PLXDC2: variants seen among roughly 807,000 people sequenced by gnomAD.
The protein encoded by PLXDC2 is plexin domain-containing protein 2.
Under a neutral mutation model 68.9 loss-of-function variants are expected in PLXDC2, and 40 were observed. That is an observed-to-expected ratio of 0.58 (90% CI 0.45 to 0.76). The LOEUF (loss-of-function observed/expected upper bound fraction) is 0.76. Ranked by LOEUF, PLXDC2 falls within the 30% of genes least tolerant of loss-of-function variation. PLXDC2 has a pLI of 0.00. For missense variants in PLXDC2, 644 were observed against 661.9 expected (o/e 0.97, Z 0.30); for synonymous variants, 243 against 234.2 (o/e 1.04, Z -0.34).
At chr10:20,239,073 G>T (rs117421397) in intron 12 of PLXDC2, among the ~76,000 whole-genome samples, 2,292 of 151,776 alleles carry the variant, frequency 0.015, 51 homozygotes, top group African/African-American at 0.051. Context: ...GCTTCTTGTT[G>T]CCCTTTATTA....
At chr10:19,874,828 G>T (rs10827892) in intron 1 of PLXDC2, among the ~76,000 whole-genome samples, 45,966 of 151,948 alleles carry the variant, frequency 0.3, 7,098 homozygotes, top group East Asian at 0.39. Context: ...AGGGGACCCG[G>T]GGGATATCTG....
chr10:20,265,433 A>C (rs774770698), intron 13 of PLXDC2, among the ~76,000 whole-genome samples: 5 of 152,192 alleles, frequency 3.3e-5, no homozygotes, highest in Non-Finnish European at 7.3e-5. Flanking sequence ...TTTGGCAACA[A>C]ACATTTTGGA....
chr10:20,047,424 A>T (rs1006362674), intron 3 of PLXDC2, among the ~76,000 whole-genome samples: 1 of 152,130 alleles, frequency 6.6e-6, no homozygotes, highest in Non-Finnish European at 1.5e-5. Context: ...GATTTAACCA[A>T]AGATTTAACC....
At chr10:20,159,565 A>C (rs561574502) in intron 6 of PLXDC2, among the ~76,000 whole-genome samples, 1 of 152,022 alleles carries the variant, frequency 6.6e-6, no homozygotes, top group African/African-American at 2.4e-5. Flanking sequence ...CCAGCGTGAT[A>C]TTTTTCCAAA....
intron 1 of PLXDC2, among the ~76,000 whole-genome samples, chr10:19,870,991 A>G (rs1337810175): frequency 2.0e-5 from 3 of 152,214 alleles, no homozygotes; most frequent in Non-Finnish European, 4.4e-5. Context: ...TGAATTGTCC[A>G]AGACCAGAGC....
At chr10:20,021,358 C>A (rs909774742) in intron 2 of PLXDC2, among the ~76,000 whole-genome samples, 1 of 151,946 alleles carries the variant, frequency 6.6e-6, no homozygotes, top group African/African-American at 2.4e-5. Flanking sequence ...CTGCACCTAT[C>A]AATTCATCAT....
At position 20,017,565 on chromosome 10, in the gene PLXDC2, T is replaced by G. The variant is rs368321619; in HGVS notation, c.324+15579T>G. Among the ~76,000 whole-genome samples, 14 of 152,334 alleles carry G rather than the reference T, an allele frequency of 9.2e-5. No individual in the cohort carries two copies. The South Asian group carries it at 2.7e-3, about 29-fold the overall frequency. ...AAGAGGGCTCTATTAACCACTATTT[T>G]GGATCGATTACTCCCTTTGCCCTCA... On this transcript the variant is annotated intron_variant, in intron 2 of 13. Transcript: ENST00000377252.
chr10:20,101,785 T>C (rs1361243627), intron 4 of PLXDC2, among the ~76,000 whole-genome samples: 1 of 130,486 alleles, frequency 7.7e-6, no homozygotes, highest in Non-Finnish European at 1.5e-5. Flanking sequence ...TATCTTGTTT[T>C]TTTACCAAAC....
At chr10:19,821,890 A>T (rs1242455862) in intron 1 of PLXDC2, among the ~76,000 whole-genome samples, 1 of 152,110 alleles carries the variant, frequency 6.6e-6, no homozygotes, top group South Asian at 2.1e-4. Flanking sequence ...TCTTAATCTC[A>T]TATCTTTTTT....
At chr10:20,244,461 T>C (rs1340945120) in intron 12 of PLXDC2, among the ~76,000 whole-genome samples, 6 of 152,226 alleles carry the variant, frequency 3.9e-5, no homozygotes, top group Non-Finnish European at 8.8e-5. Flanking sequence ...AAAGTTTTCC[T>C]TTGCTGTGGC....
At chr10:20,166,988 A>G (rs1834384462) in intron 7 of PLXDC2, among the ~76,000 whole-genome samples, 1 of 152,174 alleles carries the variant, frequency 6.6e-6, no homozygotes, top group African/African-American at 2.4e-5. Context: ...AAAAGAACTT[A>G]ATTCAAACGT....
chr10:19,918,307 T>G (rs2131378863), intron 1 of PLXDC2, among the ~76,000 whole-genome samples: 1 of 152,292 alleles, frequency 6.6e-6, no homozygotes, highest in Non-Finnish European at 1.5e-5. Flanking sequence ...AGAATGTAAT[T>G]AACCTGGGTT....
chr10:20,100,446 T>C (rs1833407990), intron 4 of PLXDC2, among the ~76,000 whole-genome samples: 1 of 152,196 alleles, frequency 6.6e-6, no homozygotes, highest in Admixed American at 6.5e-5. Context: ...TCAGTGATTT[T>C]TTTTTCCTCC....
At chr10:19,823,164 C>T (rs556572742) in intron 1 of PLXDC2, among the ~76,000 whole-genome samples, 3 of 152,110 alleles carry the variant, frequency 2.0e-5, no homozygotes, top group African/African-American at 4.8e-5. Context: ...GATCAACCCA[C>T]CTCAGCCTCC....
intron 9 of PLXDC2, among the ~76,000 whole-genome samples, chr10:20,211,326 T>C (rs999050774): frequency 6.6e-6 from 1 of 152,070 alleles, no homozygotes; most frequent in Non-Finnish European, 1.5e-5. Context: ...GTTTTAATGA[T>C]GAGAAAAAAA....
At chr10:20,060,125 T>G (rs1267152999) in intron 3 of PLXDC2, among the ~76,000 whole-genome samples, 1 of 152,144 alleles carries the variant, frequency 6.6e-6, no homozygotes, top group Admixed American at 6.5e-5. Context: ...CTGGATCTCC[T>G]AGGCTCAAGC....
At chr10:19,994,253 CT>C (rs528321973) in intron 1 of PLXDC2, among the ~76,000 whole-genome samples, 1,225 of 87,410 alleles carry the variant, frequency 0.014, 23 homozygotes, top group African/African-American at 0.041. Context: ...TTGTATTCTC[CT>C]TTTTTTTTTT....
intron 1 of PLXDC2, among the ~76,000 whole-genome samples, chr10:19,865,577 G>T (rs867225171): frequency 2.6e-5 from 4 of 152,060 alleles, no homozygotes; most frequent in Non-Finnish European, 4.4e-5. Flanking sequence ...GCCTCTCAGG[G>T]TATAATGGGT....
intron 13 of PLXDC2, among the ~76,000 whole-genome samples, chr10:20,275,330 A>AC: frequency 6.6e-6 from 1 of 152,158 alleles, no homozygotes; most frequent in East Asian, 1.9e-4. Flanking sequence ...AGAAACACAG[A>AC]CCCCCTAGGC....
Sources: allele counts gnomAD v4.1 joint callset (sites outside exome capture counted in the v4.1 genomes callset), GRCh38; gene constraint gnomAD v4.1.1; transcripts MANE v1.5; gene names NCBI Gene and HGNC (gene_info 2026-07-23, HGNC 2026-07-21).